Variants in VPS13C observed in about 807,000 individuals in gnomAD.
VPS13C encodes intermembrane lipid transfer protein VPS13C.
A neutral mutation model predicts 456.8 loss-of-function variants in VPS13C; 358 were observed. The observed-to-expected ratio is 0.78, with a 90% CI of 0.72 to 0.86. VPS13C has a LOEUF of 0.86. VPS13C is among the 40% of genes least tolerant of loss of function. The pLI is 0.00. For synonymous variants in VPS13C, 1,578 were observed against 1,486.7 expected (o/e 1.06, Z -1.41); for missense variants, 4,818 against 4,385.4 (o/e 1.10, Z -2.79).
rs185771909 is a variant in VPS13C at position 61,948,888 on chromosome 15, T to G, written c.4759+555A>C. On this transcript the variant is annotated intron_variant, in intron 42 of 84. Coordinates refer to ENST00000644861, the MANE Select transcript of VPS13C (RefSeq NM_020821.3). ...CTTAAAAGTAAGCAAATGTTATTTA[T>G]TCACTCAGGATATGTCATACCTAAT... is the stretch of plus-strand genomic sequence containing the variant. Among the ~76,000 whole-genome samples the G allele has an allele frequency of 1.4e-3, 212 of 152,336 alleles. 2 individuals carry two copies. The highest frequency in any genetic ancestry group is 5.0e-3 in the African/African-American group (209 of 41,580).
chr15:62,055,036 G>A (rs1028214839), intron 1 of VPS13C, among the ~76,000 whole-genome samples: 3 of 152,190 alleles, frequency 2.0e-5, no homozygotes, highest in African/African-American at 7.2e-5. Context: ...CAGTGGCAAG[G>A]ATTTTTAAAA....
intron 82 of VPS13C, among the ~76,000 whole-genome samples, chr15:61,857,745 C>A (rs770555279): frequency 8.6e-5 from 13 of 151,954 alleles, no homozygotes; most frequent in Admixed American, 2.0e-4. Context: ...AATCAGGAGA[C>A]AATGGAAGCC....
chr15:61,946,290 A>G lies in VPS13C; in HGVS notation c.4980+17T>C. 6 of 1,550,132 alleles carry G rather than the reference A, an allele frequency of 3.9e-6. No individual in the cohort carries two copies. Among genetic ancestry groups the G allele is most frequent in the Non-Finnish European group, 5.2e-6 (6 of 1,147,306 alleles). On this transcript the variant is annotated intron_variant, in intron 44 of 84. Transcript: ENST00000644861. ...AGGCAAAATAAATTCCAATATAAAA[A>G]TCTATTTTTTAATCACCTTTTTGTG...
At chr15:62,054,953 T>A (rs1296771145) in intron 1 of VPS13C, among the ~76,000 whole-genome samples, 1 of 152,206 alleles carries the variant, frequency 6.6e-6, no homozygotes, top group East Asian at 1.9e-4. Flanking sequence ...ACTTTACAGA[T>A]TACGAGAGTG....
intron 1 of VPS13C, among the ~76,000 whole-genome samples, chr15:62,050,640 A>C (rs2048585560): frequency 6.6e-6 from 1 of 152,114 alleles, no homozygotes; most frequent in African/African-American, 2.4e-5. Context: ...TCTACCTAAA[A>C]AATACAAAAA....
intron 62 of VPS13C, among the ~76,000 whole-genome samples, chr15:61,912,914 T>C (rs948860226): frequency 1.3e-5 from 2 of 150,626 alleles, no homozygotes; most frequent in Non-Finnish European, 2.9e-5. Context: ...GTCCTTGCGA[T>C]AGTACACATG....
chr15:61,944,813 GA>G (rs1258600623), intron 45 of VPS13C, among the ~76,000 whole-genome samples: 1 of 152,002 alleles, frequency 6.6e-6, no homozygotes, highest in Non-Finnish European at 1.5e-5. Flanking sequence ...AAGTCCAAAA[GA>G]GTTGAAATTA....
At chr15:62,004,109 T>C (rs1172475844) in intron 15 of VPS13C, among the ~76,000 whole-genome samples, 2 of 151,938 alleles carry the variant, frequency 1.3e-5, no homozygotes, top group African/African-American at 4.8e-5. Context: ...CAGCTCCTCC[T>C]TGTACCTCTG....
At chr15:62,005,459 G>C (rs2046799274) in intron 15 of VPS13C, among the ~76,000 whole-genome samples, 2 of 152,036 alleles carry the variant, frequency 1.3e-5, no homozygotes, top group Non-Finnish European at 2.9e-5. Flanking sequence ...GATGGGTCTT[G>C]ACTCTTTATC....
intron 48 of VPS13C, chr15:61,935,674 G>A (rs752521755): frequency 6.6e-6 from 1 of 152,126 alleles, no homozygotes; most frequent in African/African-American, 2.4e-5. Flanking sequence ...ACTTCACCTG[G>A]GGAGATGTTG....
At chr15:61,984,813 C>T (rs199554750) in intron 19 of VPS13C, 44 bp downstream of exon 19, 1 of 1,583,480 alleles carries the variant, frequency 6.3e-7, no homozygotes, top group East Asian at 2.3e-5. Flanking sequence ...TTGCCTAAAA[C>T]TATAACTAAA....
chr15:62,046,391 C>T (rs543078807), intron 1 of VPS13C, among the ~76,000 whole-genome samples: 1 of 152,136 alleles, frequency 6.6e-6, no homozygotes, highest in Non-Finnish European at 1.5e-5. Context: ...AAAGTCCTTA[C>T]GTATTATATA....
intron 16 of VPS13C, among the ~76,000 whole-genome samples, chr15:62,000,122 G>A (rs894019576): frequency 3.9e-5 from 6 of 152,246 alleles, no homozygotes; most frequent in South Asian, 4.1e-4. Flanking sequence ...AGCACTTTGA[G>A]AGGCCGAGGT....
At chr15:62,025,163 A>G (rs567106751) in intron 6 of VPS13C, among the ~76,000 whole-genome samples, 10 of 152,248 alleles carry the variant, frequency 6.6e-5, no homozygotes, top group African/African-American at 2.4e-4. Flanking sequence ...TTCAGATCCA[A>G]CTAAATTCAT....
At chr15:61,954,681 T>G in intron 37 of VPS13C, 127 bp from the exon 38 acceptor site, 409 of 836,218 alleles carry the variant, frequency 4.9e-4, no homozygotes, top group Non-Finnish European at 6.3e-4. Flanking sequence ...GTAACAGCGC[T>G]AGCCCTTGGA....
chr15:62,007,246 C>A, intron 15 of VPS13C, 62 bp downstream of exon 15: 1 of 1,179,748 alleles, frequency 8.5e-7, no homozygotes, highest in Admixed American at 3.1e-5. Context: ...AAATTACATG[C>A]AGAAGAATAT....
chr15:61,947,314 A>C lies in VPS13C; in HGVS notation c.4760-5T>G. The stretch of plus-strand genomic sequence containing the variant: ...TTTGGGAAATGTTGCTGGATACTAA[A>C]AAATAATAGAAACCTTCTGATGAGC... On this transcript the variant is annotated splice_region_variant and splice_polypyrimidine_tract_variant and intron_variant, in intron 42 of 84. Transcript: ENST00000644861. 2 of 1,585,584 alleles carry C rather than the reference A, an allele frequency of 1.3e-6. No individual in the cohort carries two copies. The highest frequency in any genetic ancestry group is 4.5e-5 in the East Asian group (2 of 44,402).
chr15:61,856,067 C>A (rs112687443), intron 83 of VPS13C, among the ~76,000 whole-genome samples: 2 of 152,072 alleles, frequency 1.3e-5, no homozygotes, highest in African/African-American at 4.8e-5. Context: ...ATATGAGAAT[C>A]TTAATTATTT....
intron 35 of VPS13C, among the ~76,000 whole-genome samples, chr15:61,960,753 A>C (rs1456897870): frequency 6.6e-6 from 1 of 152,158 alleles, no homozygotes; most frequent in African/African-American, 2.4e-5. Flanking sequence ...TGTAGGTCTG[A>C]AATTTTTTAA....
Sources: allele counts gnomAD v4.1 joint callset (sites outside exome capture counted in the v4.1 genomes callset), GRCh38; gene constraint gnomAD v4.1.1; transcripts MANE v1.5; gene names NCBI Gene and HGNC (gene_info 2026-07-23, HGNC 2026-07-21).